The following ANO1 variants were observed in gnomAD, a reference collection of about 807,000 sequenced individuals.
ANO1 encodes anoctamin-1.
Under a neutral mutation model 124.0 loss-of-function variants are expected in ANO1, and 59 were observed. The observed-to-expected ratio is 0.48, with a 90% CI of 0.39 to 0.59. The LOEUF is 0.59. Ranked by LOEUF, ANO1 falls within the 20% of genes least tolerant of loss-of-function variation. The probability of loss-of-function intolerance (pLI) is 0.00; values close to 1 mark genes in which losing one functional copy is unlikely to be tolerated. For synonymous variants in ANO1, 529 were observed against 532.0 expected (o/e 0.99, Z 0.08); for missense variants, 1,059 against 1,328.0 (o/e 0.80, Z 3.15).
chr11:70,179,819 C>T (rs1167272460), intron 22 of ANO1, among the ~76,000 whole-genome samples, 185 bp from the exon 23 acceptor site: 1 of 152,102 alleles, frequency 6.6e-6, no homozygotes, highest in African/African-American at 2.4e-5. Flanking sequence ...CTGGTACACA[C>T]CAGGCCCTGG....
chr11:70,122,298 A>C (rs1296695209), intron 8 of ANO1, among the ~76,000 whole-genome samples: 70 of 32,110 alleles, frequency 2.2e-3, no homozygotes, highest in African/African-American at 3.2e-3. Flanking sequence ...CTCTCTCTCC[A>C]TCTCCCCCGC....
intron 1 of ANO1, among the ~76,000 whole-genome samples, chr11:69,994,366 GGATGGGTGGATGAATGGA>G: frequency 1.2e-5 from 1 of 81,678 alleles, no homozygotes; most frequent in Non-Finnish European, 3.1e-5. Flanking sequence ...ATGGGTGGAT[GGATGGGTGGATGAATGGA>G]TGGATGGGTG....
At chr11:70,007,538 C>T (rs782536008) in intron 1 of ANO1, among the ~76,000 whole-genome samples, 1 of 152,190 alleles carries the variant, frequency 6.6e-6, no homozygotes, top group African/African-American at 2.4e-5. Context: ...TCTTGGCCTC[C>T]CAAAGTGCTG....
chr11:70,179,633 G>T (rs369552311), intron 22 of ANO1, among the ~76,000 whole-genome samples: 1 of 152,226 alleles, frequency 6.6e-6, no homozygotes, highest in Non-Finnish European at 1.5e-5. Context: ...GGTATCCTCC[G>T]CCAGAGCTTT....
intron 18 of ANO1, among the ~76,000 whole-genome samples, chr11:70,162,453 G>C (rs1373970584): frequency 6.6e-6 from 1 of 152,166 alleles, no homozygotes; most frequent in East Asian, 1.9e-4. Flanking sequence ...CCACAAAGTG[G>C]GGACAAGGAG....
intron 11 of ANO1, among the ~76,000 whole-genome samples, chr11:70,134,308 C>A (rs542617362): frequency 5.3e-5 from 8 of 152,162 alleles, no homozygotes; most frequent in Non-Finnish European, 7.4e-5. Context: ...GTAAGTGTGA[C>A]CCCTGTAGCA....
At chr11:70,116,340 T>G in intron 7 of ANO1, 118 bp from the exon 8 acceptor site, 1 of 1,055,964 alleles carries the variant, frequency 9.5e-7, no homozygotes, top group Non-Finnish European at 1.4e-6. Context: ...TGCCCCAGGA[T>G]GATCTTAATT....
intron 11 of ANO1, among the ~76,000 whole-genome samples, chr11:70,137,681 G>A (rs1455905798): frequency 1.4e-5 from 2 of 146,318 alleles, no homozygotes; most frequent in Non-Finnish European, 3.0e-5. Flanking sequence ...TACAGTCAAG[G>A]GGTTCACAGT....
At chr11:70,156,045 CG>C (rs1377087524) in intron 15 of ANO1, 57 bp downstream of exon 15, 2 of 1,398,574 alleles carry the variant, frequency 1.4e-6, no homozygotes, top group African/African-American at 1.5e-5. Flanking sequence ...CAATCAAAGT[CG>C]ATTGTGTTTT....
At chr11:70,035,359 C>G (rs782696141) in intron 1 of ANO1, among the ~76,000 whole-genome samples, 3 of 152,032 alleles carry the variant, frequency 2.0e-5, no homozygotes, top group Non-Finnish European at 4.4e-5. Flanking sequence ...CGCTGGCGAA[C>G]TTTTCACTTA....
At chr11:70,100,039 C>A (rs1414387401) in intron 2 of ANO1, among the ~76,000 whole-genome samples, 1 of 152,172 alleles carries the variant, frequency 6.6e-6, no homozygotes, top group African/African-American at 2.4e-5. Flanking sequence ...GTCCTTCAGC[C>A]CTGGGCTCCC....
intron 11 of ANO1, among the ~76,000 whole-genome samples, chr11:70,135,366 C>G (rs992091509): frequency 1.3e-5 from 2 of 152,206 alleles, no homozygotes; most frequent in Non-Finnish European, 2.9e-5. Flanking sequence ...GAGACGCTGG[C>G]GGGCTTGGCC....
chr11:70,088,909 A>C (rs950409950), intron 2 of ANO1, among the ~76,000 whole-genome samples: 4 of 152,188 alleles, frequency 2.6e-5, no homozygotes, highest in African/African-American at 9.7e-5. Context: ...TCCCTAGCAA[A>C]GCCTACGAAT....
At chr11:70,002,473 A>AAAAAAAAAAAAAAAAAAAC (rs1459201747) in intron 1 of ANO1, among the ~76,000 whole-genome samples, 1 of 151,436 alleles carries the variant, frequency 6.6e-6, no homozygotes, top group African/African-American at 2.4e-5. Context: ...AAAAAAAAAA[A>AAAAAAAAAAAAAAAAAAAC]AAAACACCAA....
At chr11:70,138,362 A>AG in intron 11 of ANO1, among the ~76,000 whole-genome samples, 1 of 113,636 alleles carries the variant, frequency 8.8e-6, no homozygotes, top group Non-Finnish European at 2.0e-5. Flanking sequence ...AAAAAAAAAA[A>AG]AAAAGGCTGG....
rs1481165446 is a variant in ANO1, at chr11:70,126,127, C to A, written c.1029C>A (p.Ile343=). Residue 343 remains isoleucine, a synonymous_variant, in exon 10 of 26, where the codon ATC becomes ATA. Transcript: ENST00000355303. ...TGGGCGTGTACACCCAGATGCTCAT[C>A]CCTGCCTCCATCGTGGGAATCATTG... The part of the protein sequence containing the change: ...AWLGVYTQML[I]PASIVGIIVF... 2 of 1,613,796 alleles carry A rather than the reference C, an allele frequency of 1.2e-6. No individual in the cohort carries two copies. Among genetic ancestry groups the A allele is most frequent in the Non-Finnish European group, 1.7e-6 (2 of 1,179,768 alleles).
At chr11:70,108,557 T>C (rs1047179532) in intron 6 of ANO1, among the ~76,000 whole-genome samples, 153 bp downstream of exon 6, 13 of 151,982 alleles carry the variant, frequency 8.6e-5, no homozygotes, top group African/African-American at 2.4e-4. Context: ...GAGGGCTGGG[T>C]TGGGAGCGTG....
At chr11:70,163,937 CAA>C (rs1365021780) in intron 19 of ANO1, among the ~76,000 whole-genome samples, 10 of 106,474 alleles carry the variant, frequency 9.4e-5, no homozygotes, top group Non-Finnish European at 5.9e-5. Context: ...GGAACCATTT[CAA>C]AAAAAAAAAA....
intron 1 of ANO1, among the ~76,000 whole-genome samples, chr11:70,007,849 C>A (rs1358096257): frequency 1.3e-5 from 2 of 152,218 alleles, no homozygotes; most frequent in African/African-American, 4.8e-5. Context: ...CATTACTTTA[C>A]ATTCCCACCT....
Sources: allele counts gnomAD v4.1 joint callset (sites outside exome capture counted in the v4.1 genomes callset), GRCh38; gene constraint gnomAD v4.1.1; transcripts MANE v1.5; gene names NCBI Gene and HGNC (gene_info 2026-07-23, HGNC 2026-07-21).